Variants in AMOTL1 observed in about 807,000 individuals in gnomAD.
The protein encoded by AMOTL1 is angiomotin-like protein 1.
AMOTL1 carries 45 observed loss-of-function variants against 102.9 expected under a neutral mutation model. The ratio of observed to expected loss-of-function variants is 0.44; its 90% CI spans 0.34 to 0.56. AMOTL1 has a LOEUF of 0.56. AMOTL1 is among the 20% of genes least tolerant of loss of function. The pLI is 0.01. For missense variants in AMOTL1, 1,114 were observed against 1,225.6 expected, an observed-to-expected ratio of 0.91 and a Z score of 1.36; for synonymous variants, 481 against 484.7, an observed-to-expected ratio of 0.99 and a Z score of 0.10.
At chr11:94,814,554 A>G (rs531598266) in intron 3 of AMOTL1, among the ~76,000 whole-genome samples, 3 of 152,338 alleles carry the variant, frequency 2.0e-5, no homozygotes, top group South Asian at 4.1e-4. Flanking sequence ...ACAATTTCAC[A>G]GAAAATCATA....
intron 6 of AMOTL1, among the ~76,000 whole-genome samples, chr11:94,833,338 T>G (rs1221051216): frequency 6.6e-6 from 1 of 152,256 alleles, no homozygotes; most frequent in Non-Finnish European, 1.5e-5. Flanking sequence ...TCTCCTAGTG[T>G]GGCCAAGGGA....
chr11:94,850,679 T>A (rs1952517463), intron 7 of AMOTL1, among the ~76,000 whole-genome samples: 1 of 152,172 alleles, frequency 6.6e-6, no homozygotes, highest in African/African-American at 2.4e-5. Flanking sequence ...GAATCCAGGC[T>A]ATAGATGAAG....
At chr11:94,718,381 A>G (rs1294986711) in intron 1 of AMOTL1, among the ~76,000 whole-genome samples, 1 of 152,042 alleles carries the variant, frequency 6.6e-6, no homozygotes, top group Non-Finnish European at 1.5e-5. Flanking sequence ...GTCATATTAC[A>G]TATAACTTTG....
At chr11:94,818,963 A>G (rs925112414) in intron 3 of AMOTL1, among the ~76,000 whole-genome samples, 4 of 151,960 alleles carry the variant, frequency 2.6e-5, no homozygotes, top group Admixed American at 6.6e-5. Flanking sequence ...AATATGGCCT[A>G]TATCAATTTT....
In AMOTL1 at chr11:94,872,366, T is replaced by G. The variant is rs1953016066; in HGVS notation, c.*1571T>G. ...TGGATCGCTGTTTTCCCAGTTCCCT[T>G]TGCTCATGCTTACTTAGAGGAAGAA... On this transcript the variant is annotated 3_prime_UTR_variant, in exon 13 of 13. Coordinates refer to ENST00000433060, the MANE Select transcript of AMOTL1 (RefSeq NM_130847.3). 6.6e-6 allele frequency: 1 copy of G among 152,276 alleles called. No individual in the cohort carries two copies. Among genetic ancestry groups the G allele is most frequent in the Non-Finnish European group, 1.5e-5 (1 of 68,092 alleles). 9.4% of individuals were successfully genotyped at this position (152,276 alleles called of 1,614,324 possible).
chr11:94,818,907 A>G (rs923214147), intron 3 of AMOTL1, among the ~76,000 whole-genome samples: 1 of 152,206 alleles, frequency 6.6e-6, no homozygotes, highest in African/African-American at 2.4e-5. Context: ...TTATTTACAT[A>G]TATAAACCAC....
intron 2 of AMOTL1, 81 bp downstream of exon 2, chr11:94,795,241 G>A: frequency 6.6e-7 from 1 of 1,505,320 alleles, no homozygotes; most frequent in Non-Finnish European, 9.1e-7. Context: ...GCATAATTCA[G>A]ATGTTTATTC....
intron 1 of AMOTL1, among the ~76,000 whole-genome samples, chr11:94,775,084 G>A (rs1469664479): frequency 6.6e-6 from 1 of 152,180 alleles, no homozygotes; most frequent in African/African-American, 2.4e-5. Flanking sequence ...TAAGGTTATT[G>A]TGTGGCTTAA....
chr11:94,786,509 G>A (rs556471947), intron 1 of AMOTL1, among the ~76,000 whole-genome samples: 12 of 152,238 alleles, frequency 7.9e-5, no homozygotes, highest in Non-Finnish European at 1.5e-4. Flanking sequence ...AGGGGAGCAC[G>A]CCTTTCTCTG....
chr11:94,779,535 C>T (rs1951075993), intron 1 of AMOTL1, among the ~76,000 whole-genome samples: 1 of 152,062 alleles, frequency 6.6e-6, no homozygotes, highest in Admixed American at 6.5e-5. Flanking sequence ...GTATAAAATG[C>T]ATTTATATGC....
intron 2 of AMOTL1, among the ~76,000 whole-genome samples, chr11:94,736,439 A>T (rs1950439828): frequency 6.6e-6 from 1 of 152,090 alleles, no homozygotes; most frequent in South Asian, 2.1e-4. Flanking sequence ...TTTAGTAGAG[A>T]TGGAGTTTCA....
intron 1 of AMOTL1, among the ~76,000 whole-genome samples, chr11:94,715,739 G>A (rs771051648): frequency 6.6e-6 from 1 of 152,050 alleles, no homozygotes; most frequent in Non-Finnish European, 1.5e-5. Context: ...ATTTGTGTTT[G>A]TCTGTAGGTA....
Position 94,864,742 on chromosome 11 carries a change from A to T in AMOTL1, c.2143A>T (p.Thr715Ser), listed in dbSNP as rs1304265940. 6.2e-7 allele frequency: 1 copy of T among 1,613,568 alleles called. No homozygotes were observed. The change falls in exon 10 of 13, where the codon ACG becomes TCG. Residue 715 changes from threonine to serine, a missense_variant. Thr to Ser is a moderately conservative substitution (Grantham distance 58). Transcript: ENST00000433060. Reference protein sequence around the residue: ...AATAAAERDTTIINHSRNGSY... With the variant: ...AATAAAERDTSIINHSRNGSY... ...ATATCCTTGTGTTGCCAGGGACACCACGATCATCAACCACTCACGGAATGG... is the reference window on the plus strand; with the variant it reads ...ATATCCTTGTGTTGCCAGGGACACCTCGATCATCAACCACTCACGGAATGG...
intron 3 of AMOTL1, among the ~76,000 whole-genome samples, chr11:94,748,504 G>C (rs1429669082): frequency 6.6e-6 from 1 of 152,174 alleles, no homozygotes; most frequent in Non-Finnish European, 1.5e-5. Flanking sequence ...AGGGTACAGG[G>C]AGAAAGAGAT....
intron 3 of AMOTL1, among the ~76,000 whole-genome samples, chr11:94,759,571 C>CA (rs59815376): frequency 0.89 from 115,795 of 129,894 alleles, 51,836 homozygotes; most frequent in Non-Finnish European, 0.95. Flanking sequence ...CTTTTAGGTG[C>CA]AAAAAAAAAA....
In AMOTL1 at chr11:94,859,394, A is replaced by T. The variant is rs113978362; in HGVS notation, c.1945-131A>T. ...CATGAGAATTAACTACAACAGAGGAATTTGGAGGTGAAGTAGCATGGTGTG... is the reference window on the plus strand; with the variant it reads ...CATGAGAATTAACTACAACAGAGGATTTTGGAGGTGAAGTAGCATGGTGTG... On this transcript the variant is annotated intron_variant, in intron 8 of 12. Coordinates refer to ENST00000433060, the MANE Select transcript of AMOTL1 (RefSeq NM_130847.3). 7 of 853,372 alleles carry T rather than the reference A, an allele frequency of 8.2e-6. No homozygotes were observed. In the African/African-American group the frequency reaches 8.5e-5, roughly 10 times the overall value. 52.9% of individuals were successfully genotyped at this position (853,372 alleles called of 1,614,324 possible).
chr11:94,868,350 G>A (rs191136718), intron 11 of AMOTL1, among the ~76,000 whole-genome samples: 61 of 152,208 alleles, frequency 4.0e-4, no homozygotes, highest in African/African-American at 1.4e-3. Flanking sequence ...ACTTTCCCGC[G>A]TGTGTGCTGT....
rs775201543 is a variant in AMOTL1 at position 94,768,573 on chromosome 11, C to CA, written c.49+14dup. ...CCTGCGGTGAAAGGTAACCAGCCCC[C>CA]ACTCGAGGTGCCGGGAGGGCGTCTC... On this transcript the variant is annotated intron_variant, in intron 1 of 12. Transcript: ENST00000433060. 1.1e-5 allele frequency: 17 copies of CA among 1,588,910 alleles called. No individual in the cohort carries two copies. In the African/African-American group the frequency reaches 1.9e-4, roughly 18 times the overall value.
At chr11:94,862,556 T>G (rs1223895844) in intron 9 of AMOTL1, among the ~76,000 whole-genome samples, 1 of 152,182 alleles carries the variant, frequency 6.6e-6, no homozygotes, top group African/African-American at 2.4e-5. Context: ...TTTTAGAGAG[T>G]CAGCTTATCT....
Sources: allele counts gnomAD v4.1 joint callset (sites outside exome capture counted in the v4.1 genomes callset), GRCh38; gene constraint gnomAD v4.1.1; transcripts MANE v1.5; gene names NCBI Gene and HGNC (gene_info 2026-07-23, HGNC 2026-07-21).